The following CENPP variants were observed in gnomAD, a reference collection of about 807,000 sequenced individuals.
The protein encoded by CENPP is centromere protein P.
CENPP carries 24 observed loss-of-function variants against 35.6 expected under a neutral mutation model. The ratio of observed to expected loss-of-function variants is 0.67; its 90% CI spans 0.49 to 0.95. The LOEUF (loss-of-function observed/expected upper bound fraction) is 0.95. CENPP is among the 40% of genes least tolerant of loss of function. The pLI, the probability that CENPP is intolerant of heterozygous loss-of-function variation, is 0.00. For synonymous variants in CENPP, 120 were observed against 125.5 expected (o/e 0.96, Z 0.29); for missense variants, 332 against 345.3 (o/e 0.96, Z 0.31).
chr9:92,466,595 A>G (rs1243012707), intron 5 of CENPP: 2 of 1,581,170 alleles, frequency 1.3e-6, no homozygotes, highest in Non-Finnish European at 1.7e-6. Context: ...AGAAAGTTAC[A>G]CAATATTAGG....
intron 5 of CENPP, chr9:92,517,840 T>C (rs759170333): frequency 6.2e-7 from 1 of 1,614,192 alleles, no homozygotes; most frequent in Non-Finnish European, 8.5e-7. Context: ...TTGTTGTACA[T>C]GGTTATGCCC....
rs941615550 is a variant in CENPP, at chr9:92,431,563, TTTTTC to T, written c.564+51724_564+51728del. ...TATGCCTGTTGATGTTTTTTACTCA[TTTTTC>T]TTTTCTTTTCTTTTCTTTTTTTCCA... is the stretch of plus-strand genomic sequence containing the variant. On this transcript the variant is annotated intron_variant, in intron 5 of 7. Transcript: ENST00000375587. Among the ~76,000 whole-genome samples, 29 of 152,208 alleles carry T rather than the reference TTTTTC, an allele frequency of 1.9e-4. No individual in the cohort carries two copies. The South Asian group carries it at 4.4e-3, about 23-fold the overall frequency.
At chr9:92,385,878 G>T (rs1042691880) in intron 5 of CENPP, 1 of 1,201,582 alleles carries the variant, frequency 8.3e-7, no homozygotes, top group East Asian at 2.3e-5. Flanking sequence ...CTAAGTCAGA[G>T]GTCTGAGTGC....
At chr9:92,385,524 G>T in intron 5 of CENPP, 2 of 1,023,006 alleles carry the variant, frequency 2.0e-6, no homozygotes, top group East Asian at 2.4e-5. Flanking sequence ...TGAGATACAA[G>T]GTTAATATTA....
At chr9:92,491,861 G>A (rs937847230) in intron 5 of CENPP, among the ~76,000 whole-genome samples, 7 of 152,040 alleles carry the variant, frequency 4.6e-5, no homozygotes, top group African/African-American at 1.7e-4. Context: ...GCATTTTTCA[G>A]TGGTATGCTG....
intron 5 of CENPP, among the ~76,000 whole-genome samples, chr9:92,513,082 C>T (rs1467315517): frequency 1.3e-5 from 2 of 152,168 alleles, no homozygotes; most frequent in Non-Finnish European, 2.9e-5. Context: ...TCCCTCACCC[C>T]AGCATCTCCA....
At chr9:92,453,756 G>A (rs544857014) in intron 5 of CENPP, among the ~76,000 whole-genome samples, 124 of 152,278 alleles carry the variant, frequency 8.1e-4, no homozygotes, top group Non-Finnish European at 1.5e-3. Context: ...TTCAAAAAGG[G>A]ATTGAATTGT....
At chr9:92,409,616 C>G (rs187346581) in intron 5 of CENPP, among the ~76,000 whole-genome samples, 81 of 152,178 alleles carry the variant, frequency 5.3e-4, no homozygotes, top group Admixed American at 1.8e-3. Context: ...TTAAAATTTC[C>G]TTTCTAAAAG....
chr9:92,362,378 C>A (rs572689746), intron 4 of CENPP, among the ~76,000 whole-genome samples: 2 of 152,112 alleles, frequency 1.3e-5, no homozygotes, highest in South Asian at 2.1e-4. Context: ...AAAAAAAGTT[C>A]TTTCCACTTT....
At chr9:92,502,989 G>A (rs779448767) in intron 5 of CENPP, among the ~76,000 whole-genome samples, 2 of 151,554 alleles carry the variant, frequency 1.3e-5, no homozygotes, top group Non-Finnish European at 2.9e-5. Context: ...TGTATTTTTT[G>A]TAGAGACAGG....
At chr9:92,550,705 A>G (rs1022761910) in intron 5 of CENPP, among the ~76,000 whole-genome samples, 1 of 152,192 alleles carries the variant, frequency 6.6e-6, no homozygotes, top group African/African-American at 2.4e-5. Context: ...CTAAATGTGT[A>G]AAAGTTACAC....
At chr9:92,479,554 C>T (rs538599737) in intron 5 of CENPP, among the ~76,000 whole-genome samples, 13 of 152,106 alleles carry the variant, frequency 8.5e-5, no homozygotes, top group Non-Finnish European at 1.6e-4. Context: ...GCATATCCAC[C>T]CTGCTTGAAT....
At chr9:92,343,018 A>G (rs1164921579) in intron 3 of CENPP, among the ~76,000 whole-genome samples, 5 of 152,214 alleles carry the variant, frequency 3.3e-5, no homozygotes, top group African/African-American at 1.2e-4. Flanking sequence ...GTGTTCTAAA[A>G]CATTTTTTAA....
intron 4 of CENPP, among the ~76,000 whole-genome samples, chr9:92,356,093 A>G (rs980652124): frequency 6.6e-6 from 1 of 152,226 alleles, no homozygotes; most frequent in African/African-American, 2.4e-5. Flanking sequence ...TTAGTTTGGT[A>G]TTTAAAAATA....
intron 4 of CENPP, among the ~76,000 whole-genome samples, chr9:92,370,438 C>T (rs543114464): frequency 3.8e-4 from 58 of 152,110 alleles, no homozygotes; most frequent in African/African-American, 1.3e-3. Context: ...GGCTGTTACT[C>T]CTTCTGGTCC....
chr9:92,339,223 G>C (rs1367462976), intron 3 of CENPP, among the ~76,000 whole-genome samples: 1 of 152,126 alleles, frequency 6.6e-6, no homozygotes, highest in East Asian at 1.9e-4. Flanking sequence ...TTATATTCAG[G>C]GTCATGTGCC....
At chr9:92,427,547 C>T (rs1843998753) in intron 5 of CENPP, among the ~76,000 whole-genome samples, 1 of 152,138 alleles carries the variant, frequency 6.6e-6, no homozygotes, top group Non-Finnish European at 1.5e-5. Flanking sequence ...GTGGTGTGAT[C>T]TTGGCCCACT....
chr9:92,469,405 T>G (rs892693811), intron 5 of CENPP, among the ~76,000 whole-genome samples: 1 of 152,078 alleles, frequency 6.6e-6, no homozygotes, highest in Admixed American at 6.5e-5. Context: ...GCCTTAAGTA[T>G]GATCAGCATG....
rs1843903972 is a variant in CENPP at position 92,424,370 on chromosome 9, T to TCGGG, written c.564+44511_564+44512insCGGG. The stretch of plus-strand genomic sequence containing the variant: ...AGCAATTTAAGCAAATACAATCTTC[T>TCGGG]TGGAAAACACTCGGGTTGAATTAAA... On this transcript the variant is annotated intron_variant, in intron 5 of 7. Transcript: ENST00000375587. The TCGGG allele has an allele frequency of 2.0e-5, 3 of 152,186 alleles. No individual in the cohort carries two copies. The South Asian group carries it at 6.2e-4, about 32-fold the overall frequency. The allele number at this position is 152,186 out of a possible 1,614,324, so 9.4% of individuals were successfully genotyped here.
Sources: allele counts gnomAD v4.1 joint callset (sites outside exome capture counted in the v4.1 genomes callset), GRCh38; gene constraint gnomAD v4.1.1; transcripts MANE v1.5; gene names NCBI Gene and HGNC (gene_info 2026-07-23, HGNC 2026-07-21).